The following TMEM132D variants were observed in gnomAD, a reference collection of about 807,000 sequenced individuals.
The protein encoded by TMEM132D is mature OL transmembrane protein.
Under a neutral mutation model 62.3 loss-of-function variants are expected in TMEM132D, and 21 were observed. The observed-to-expected ratio is 0.34, with a 90% CI of 0.24 to 0.49. TMEM132D has a LOEUF of 0.49. TMEM132D is among the 20% of genes least tolerant of loss of function. TMEM132D has a pLI of 0.99. For synonymous variants in TMEM132D, 621 were observed against 575.6 expected (o/e 1.08, Z -1.13); for missense variants, 1,346 against 1,402.8 (o/e 0.96, Z 0.65).
At chr12:129,527,601 C>G (rs989994610) in intron 3 of TMEM132D, among the ~76,000 whole-genome samples, 1 of 152,158 alleles carries the variant, frequency 6.6e-6, no homozygotes, top group East Asian at 1.9e-4. Flanking sequence ...CACCTAAAAT[C>G]ATTTACATAT....
chr12:129,383,721 G>A (rs889020697), intron 3 of TMEM132D, among the ~76,000 whole-genome samples: 1 of 152,236 alleles, frequency 6.6e-6, no homozygotes, highest in African/African-American at 2.4e-5. Context: ...TTATAGGTGT[G>A]AGCCACCATG....
At chr12:129,523,561 T>A (rs1007617248) in intron 3 of TMEM132D, among the ~76,000 whole-genome samples, 3 of 152,208 alleles carry the variant, frequency 2.0e-5, no homozygotes, top group Non-Finnish European at 2.9e-5. Context: ...CAAAGACGCG[T>A]GGCGGTAACT....
At position 129,780,089 on chromosome 12, in the gene TMEM132D, C is replaced by T. The variant is rs1367066193; in HGVS notation, c.80-79391G>A. On this transcript the variant is annotated intron_variant, in intron 1 of 8. Coordinates refer to ENST00000422113, the MANE Select transcript of TMEM132D (RefSeq NM_133448.3). ...GCAGACTTCTTAGCTTCAACTAAGACGCTTCTCCCACACCCACCCGCAAAG... is the reference window on the plus strand; with the variant it reads ...GCAGACTTCTTAGCTTCAACTAAGATGCTTCTCCCACACCCACCCGCAAAG... 4.6e-5 allele frequency among the ~76,000 whole-genome samples: 7 copies of T among 152,056 alleles called. No homozygotes were observed. The South Asian group carries it at 8.3e-4, about 18-fold the overall frequency.
chr12:129,626,453 T>C (rs1277246394), intron 2 of TMEM132D, among the ~76,000 whole-genome samples: 1 of 141,592 alleles, frequency 7.1e-6, no homozygotes, highest in African/African-American at 2.6e-5. Context: ...TTTTCTACTT[T>C]TATGTGCCAA....
chr12:129,844,768 A>C (rs1474772456), intron 1 of TMEM132D, among the ~76,000 whole-genome samples: 3 of 152,192 alleles, frequency 2.0e-5, no homozygotes, highest in Non-Finnish European at 4.4e-5. Context: ...TTGCATTGTC[A>C]AGGGGCTGAA....
At chr12:129,554,379 C>G (rs1876992609) in intron 2 of TMEM132D, among the ~76,000 whole-genome samples, 1 of 152,120 alleles carries the variant, frequency 6.6e-6, no homozygotes, top group Non-Finnish European at 1.5e-5. Context: ...CAAGCATGGC[C>G]TAGGATGGAC....
At chr12:129,738,160 G>A (rs1286559968) in intron 1 of TMEM132D, among the ~76,000 whole-genome samples, 1 of 151,786 alleles carries the variant, frequency 6.6e-6, no homozygotes, top group East Asian at 1.9e-4. Flanking sequence ...CAAATACCAG[G>A]GTGAAAAAAA....
At chr12:129,354,810 G>T (rs1869987697) in intron 3 of TMEM132D, among the ~76,000 whole-genome samples, 2 of 152,168 alleles carry the variant, frequency 1.3e-5, no homozygotes, top group Admixed American at 6.5e-5. Flanking sequence ...GAGGAGTCAA[G>T]AGATCTGACA....
At chr12:129,127,901 C>T (rs1044809575) in intron 5 of TMEM132D, among the ~76,000 whole-genome samples, 11 of 152,210 alleles carry the variant, frequency 7.2e-5, no homozygotes, top group East Asian at 5.8e-4. Flanking sequence ...CTCACCTCTG[C>T]GGCCTCAAGT....
rs59987335 is a variant in TMEM132D, at chr12:129,719,083, G to GAAA, written c.80-18388_80-18386dup. Among the ~76,000 whole-genome samples, 296 of 99,190 alleles carry GAAA rather than the reference G, an allele frequency of 3.0e-3. 3 individuals carry two copies. Among genetic ancestry groups the GAAA allele is most frequent in the South Asian group, 0.015 (42 of 2,874 alleles). 65.1% of individuals were successfully genotyped at this position (99,190 alleles called of 152,430 possible). A position where few individuals can be genotyped will look rare whatever the true frequency, so the allele number is the denominator to read the frequency against. On this transcript the variant is annotated intron_variant, in intron 1 of 8. Transcript: ENST00000422113. ...GAGACCTCCTCTCTACAAAAAAAAT[G>GAAA]AAAAAAAAAAAAAAAAGAAAAAAAG...
intron 3 of TMEM132D, among the ~76,000 whole-genome samples, chr12:129,491,706 C>T (rs1874801812): frequency 6.6e-6 from 1 of 152,136 alleles, no homozygotes; most frequent in South Asian, 2.1e-4. Context: ...CTTTGGGAGG[C>T]CGAGGTGGGT....
At chr12:129,180,159 T>A (rs1878024568) in intron 5 of TMEM132D, among the ~76,000 whole-genome samples, 2 of 152,078 alleles carry the variant, frequency 1.3e-5, no homozygotes, top group South Asian at 4.1e-4. Context: ...ATTAACCCAG[T>A]AAGCACAATT....
chr12:129,799,127 T>C (rs1347265449), intron 1 of TMEM132D, among the ~76,000 whole-genome samples: 4 of 151,834 alleles, frequency 2.6e-5, no homozygotes, highest in African/African-American at 9.7e-5. Context: ...TAGCTGGGTG[T>C]GGTGGCAGGC....
chr12:129,524,249 TAA>T, intron 3 of TMEM132D, among the ~76,000 whole-genome samples: 1 of 150,864 alleles, frequency 6.6e-6, no homozygotes, highest in African/African-American at 2.4e-5. Flanking sequence ...AATAAAAAAA[TAA>T]AAAGGTGAAA....
chr12:129,246,995 T>C (rs895941277), intron 4 of TMEM132D, among the ~76,000 whole-genome samples: 12 of 152,212 alleles, frequency 7.9e-5, no homozygotes, highest in African/African-American at 2.9e-4. Context: ...ATTAAGCTGG[T>C]ATCAAAGGTA....
chr12:129,472,289 T>A (rs7978918), intron 3 of TMEM132D, among the ~76,000 whole-genome samples: 114,811 of 152,060 alleles, frequency 0.76, 43,395 homozygotes, highest in Middle Eastern at 0.79. Flanking sequence ...TTGCAGGGAC[T>A]TGGATGAAGC....
intron 1 of TMEM132D, among the ~76,000 whole-genome samples, chr12:129,893,942 C>T (rs1345316022): frequency 6.6e-6 from 1 of 152,174 alleles, no homozygotes; most frequent in African/African-American, 2.4e-5. Flanking sequence ...TCACGCCCTA[C>T]AGAGCTTATC....
At chr12:129,169,811 C>A (rs1284533341) in intron 5 of TMEM132D, among the ~76,000 whole-genome samples, 6 of 152,112 alleles carry the variant, frequency 3.9e-5, no homozygotes, top group Non-Finnish European at 8.8e-5. Flanking sequence ...TTTATTTTTT[C>A]AAAATGCCAT....
intron 1 of TMEM132D, among the ~76,000 whole-genome samples, chr12:129,817,649 G>C (rs907667521): frequency 1.5e-5 from 2 of 136,766 alleles, no homozygotes; most frequent in African/African-American, 5.5e-5. Flanking sequence ...GGGTGTGTCT[G>C]TAATATGGGG....
Sources: gnomAD v4.1 joint callset for allele counts (sites outside exome capture counted in the v4.1 genomes callset) on GRCh38, gnomAD v4.1.1 for gene constraint, MANE v1.5 for transcripts, NCBI Gene and HGNC (gene_info 2026-07-23, HGNC 2026-07-21) for gene names.